POU6F2: variants seen among roughly 807,000 people sequenced by gnomAD.
POU6F2 encodes the protein POU class 6 homeobox 2, also known as POU domain, class 6, transcription factor 2.
POU6F2 carries 31 observed loss-of-function variants against 71.3 expected under a neutral mutation model. The observed-to-expected ratio is 0.43, with a 90% CI of 0.33 to 0.59. POU6F2 has a LOEUF of 0.59. Among genes scored for constraint, POU6F2 ranks in the 20% least tolerant of loss-of-function variants. The pLI, the probability that POU6F2 is intolerant of heterozygous loss-of-function variation, is 0.04. For synonymous variants in POU6F2, 347 were observed against 355.7 expected (o/e 0.98, Z 0.27); for missense variants, 783 against 856.8 (o/e 0.91, Z 1.07).
intron 7 of POU6F2, among the ~76,000 whole-genome samples, chr7:39,450,861 A>G (rs1562557548): frequency 1.3e-5 from 2 of 152,154 alleles, no homozygotes; most frequent in African/African-American, 4.8e-5. Context: ...GCTGATAGGA[A>G]AATTAGTCAA....
intron 1 of POU6F2, among the ~76,000 whole-genome samples, chr7:38,992,791 T>C (rs889299091): frequency 1.3e-5 from 2 of 152,222 alleles, no homozygotes; most frequent in African/African-American, 4.8e-5. Context: ...AAATATTGTG[T>C]TACTATTCAC....
rs1227102775 is a variant in POU6F2 at position 39,015,891 on chromosome 7, TTATATATA to T, written c.105+37834_105+37841del. 1.0e-4 allele frequency among the ~76,000 whole-genome samples: 8 copies of T among 76,982 alleles called. 2 individuals carry two copies. The highest frequency in any genetic ancestry group is 3.8e-4 in the East Asian group (1 of 2,656). 50.5% of individuals were successfully genotyped at this position (76,982 alleles called of 152,430 possible). A position where few individuals can be genotyped will look rare whatever the true frequency, so the allele number is the denominator to read the frequency against. Reference sequence around the variant, plus strand: ...ATTATATATAGATATATATTATATATTATATATAGATATATATTATATATTATATATAG... The same window carrying T: ...ATTATATATAGATATATATTATATATGATATATATTATATATTATATATAG... On this transcript the variant is annotated intron_variant, in intron 1 of 9. Coordinates refer to ENST00000518318, the MANE Select transcript of POU6F2 (RefSeq NM_001370959.1).
chr7:39,220,871 C>T (rs142594396), intron 4 of POU6F2, among the ~76,000 whole-genome samples: 1 of 151,884 alleles, frequency 6.6e-6, no homozygotes, highest in Non-Finnish European at 1.5e-5. Context: ...ATATGGTAGC[C>T]ATGAGCCACA....
At chr7:39,110,039 G>C (rs1791772336) in intron 2 of POU6F2, among the ~76,000 whole-genome samples, 2 of 152,150 alleles carry the variant, frequency 1.3e-5, no homozygotes, top group South Asian at 4.1e-4. Flanking sequence ...GGGAGGCCGA[G>C]GAGGGCGGAT....
chr7:39,206,048 C>T (rs1794005445), intron 3 of POU6F2, among the ~76,000 whole-genome samples: 1 of 152,194 alleles, frequency 6.6e-6, no homozygotes, highest in Admixed American at 6.5e-5. Flanking sequence ...CTCTCTGTAT[C>T]TCATTGGTAG....
At chr7:39,279,535 G>C (rs2128759323) in intron 4 of POU6F2, among the ~76,000 whole-genome samples, 1 of 152,300 alleles carries the variant, frequency 6.6e-6, no homozygotes, top group Admixed American at 6.5e-5. Context: ...TTGTCTCACA[G>C]TTCTGGAAGG....
chr7:39,034,443 C>A, intron 1 of POU6F2: 1 of 405,826 alleles, frequency 2.5e-6, no homozygotes, highest in Non-Finnish European at 5.2e-6. Context: ...TCGGCAGGAG[C>A]AGTTCTAGAA....
At chr7:39,267,303 C>G (rs1784265584) in intron 4 of POU6F2, among the ~76,000 whole-genome samples, 2 of 152,170 alleles carry the variant, frequency 1.3e-5, no homozygotes, top group African/African-American at 2.4e-5. Flanking sequence ...TTCAGATATA[C>G]AAGTGTCATT....
At chr7:39,084,586 T>G (rs1791195328) in intron 1 of POU6F2, among the ~76,000 whole-genome samples, 1 of 152,220 alleles carries the variant, frequency 6.6e-6, no homozygotes, top group African/African-American at 2.4e-5. Flanking sequence ...ACAGTGACAT[T>G]GTTTTCAATG....
intron 1 of POU6F2, among the ~76,000 whole-genome samples, chr7:39,019,640 T>G (rs938421319): frequency 5.5e-5 from 8 of 146,156 alleles, no homozygotes; most frequent in African/African-American, 2.0e-4. Flanking sequence ...TGCATTTTCT[T>G]TCTTTTTTCT....
intron 2 of POU6F2, among the ~76,000 whole-genome samples, chr7:39,142,392 TG>T (rs1372026514): frequency 6.6e-6 from 1 of 152,118 alleles, no homozygotes. Flanking sequence ...GCAGGAGAGG[TG>T]GGTAATGAAC....
At chr7:39,410,165 C>T (rs1395926504) in intron 6 of POU6F2, among the ~76,000 whole-genome samples, 2 of 152,110 alleles carry the variant, frequency 1.3e-5, no homozygotes, top group Non-Finnish European at 2.9e-5. Flanking sequence ...CTGGACAACA[C>T]GGCGAATCTC....
intron 4 of POU6F2, among the ~76,000 whole-genome samples, chr7:39,306,141 A>T (rs964057581): frequency 6.6e-6 from 1 of 152,214 alleles, no homozygotes; most frequent in African/African-American, 2.4e-5. Flanking sequence ...TTCACAAATC[A>T]AGAGAACCCA....
intron 2 of POU6F2, among the ~76,000 whole-genome samples, chr7:39,168,875 T>C (rs189554932): frequency 2.6e-5 from 4 of 152,338 alleles, no homozygotes; most frequent in African/African-American, 9.6e-5. Flanking sequence ...CAGTGATTGC[T>C]GCTTTGAATG....
intron 1 of POU6F2, among the ~76,000 whole-genome samples, chr7:39,060,932 A>G (rs1334794595): frequency 2.0e-5 from 3 of 151,848 alleles, no homozygotes; most frequent in Non-Finnish European, 4.4e-5. Flanking sequence ...CCTGGGCAAA[A>G]TAGACACCAT....
At chr7:39,210,947 G>A (rs1208996557) in intron 4 of POU6F2, among the ~76,000 whole-genome samples, 1 of 152,166 alleles carries the variant, frequency 6.6e-6, no homozygotes, top group Non-Finnish European at 1.5e-5. Context: ...TCCTCACAGT[G>A]CTGCAGCCTG....
chr7:39,359,146 A>G (rs944130894), intron 5 of POU6F2, among the ~76,000 whole-genome samples: 2 of 152,134 alleles, frequency 1.3e-5, no homozygotes, highest in East Asian at 1.9e-4. Context: ...CCCTTAAGAA[A>G]ATGATTTTTT....
chr7:39,022,986 A>C (rs527557467), intron 1 of POU6F2, among the ~76,000 whole-genome samples: 17 of 152,174 alleles, frequency 1.1e-4, no homozygotes, highest in African/African-American at 3.9e-4. Flanking sequence ...TACTTGCTCC[A>C]TATCTTCACC....
intron 1 of POU6F2, among the ~76,000 whole-genome samples, chr7:38,999,976 TA>T (rs1422896405): frequency 6.6e-6 from 1 of 152,194 alleles, no homozygotes; most frequent in Non-Finnish European, 1.5e-5. Flanking sequence ...AAGTAGGTAC[TA>T]AAACTTTTTA....
Sources: allele counts gnomAD v4.1 joint callset (sites outside exome capture counted in the v4.1 genomes callset), GRCh38; gene constraint gnomAD v4.1.1; transcripts MANE v1.5; gene names NCBI Gene and HGNC (gene_info 2026-07-23, HGNC 2026-07-21).